AUTS2: variants seen among roughly 807,000 people sequenced by gnomAD.
AUTS2 encodes the protein autism susceptibility gene 2 protein.
A neutral mutation model predicts 112.4 loss-of-function variants in AUTS2; 17 were observed. That is an observed-to-expected ratio of 0.15 (90% CI 0.10 to 0.23). The LOEUF is 0.23. Ranked by LOEUF, AUTS2 falls within the 10% of genes least tolerant of loss-of-function variation. The pLI, the probability that AUTS2 is intolerant of heterozygous loss-of-function variation, is 1.00. For synonymous variants in AUTS2, 751 were observed against 702.7 expected, an observed-to-expected ratio of 1.07 and a Z score of -1.09; for missense variants, 1,510 against 1,701.6, an observed-to-expected ratio of 0.89 and a Z score of 1.98.
At chr7:70,339,173 T>C (rs896380221) in intron 4 of AUTS2, among the ~76,000 whole-genome samples, 6 of 152,276 alleles carry the variant, frequency 3.9e-5, no homozygotes, top group African/African-American at 1.2e-4. Context: ...TGGCCTCATC[T>C]CTTTTTTTCT....
intron 4 of AUTS2, among the ~76,000 whole-genome samples, chr7:70,317,878 T>C (rs1222635276): frequency 6.6e-6 from 1 of 152,154 alleles, no homozygotes; most frequent in Non-Finnish European, 1.5e-5. Flanking sequence ...ATTGTATCAA[T>C]GTAGGTTTTG....
intron 4 of AUTS2, among the ~76,000 whole-genome samples, chr7:70,257,617 C>T (rs1786949927): frequency 6.6e-6 from 1 of 151,170 alleles, no homozygotes. Flanking sequence ...TGTGCCTGGC[C>T]TGAAGTTTTT....
chr7:70,041,888 C>T (rs1363884862), intron 2 of AUTS2, among the ~76,000 whole-genome samples: 1 of 151,942 alleles, frequency 6.6e-6, no homozygotes, highest in Non-Finnish European at 1.5e-5. Flanking sequence ...ATTTTGTTTT[C>T]TTATAAACTA....
intron 4 of AUTS2, among the ~76,000 whole-genome samples, chr7:70,161,844 A>G (rs1207642686): frequency 2.0e-5 from 3 of 152,068 alleles, no homozygotes; most frequent in Non-Finnish European, 4.4e-5. Context: ...GTAATTTTTT[A>G]CAAACTTTTC....
chr7:70,601,594 G>C (rs1424687016), intron 5 of AUTS2, among the ~76,000 whole-genome samples: 3 of 152,212 alleles, frequency 2.0e-5, no homozygotes, highest in Non-Finnish European at 1.5e-5. Context: ...GACACGGTGT[G>C]ACTTGCTAGG....
At chr7:70,514,359 A>G (rs1459483102) in intron 5 of AUTS2, among the ~76,000 whole-genome samples, 2 of 152,216 alleles carry the variant, frequency 1.3e-5, no homozygotes, top group African/African-American at 2.4e-5. Context: ...TATTCGGCTT[A>G]TGGTTCTACT....
chr7:70,702,009 C>G (rs888659150), intron 6 of AUTS2, among the ~76,000 whole-genome samples: 1 of 152,216 alleles, frequency 6.6e-6, no homozygotes, highest in Non-Finnish European at 1.5e-5. Context: ...TCAGTCTATT[C>G]AACATGGCTA....
At chr7:70,076,426 A>G (rs557659783) in intron 2 of AUTS2, among the ~76,000 whole-genome samples, 2 of 152,338 alleles carry the variant, frequency 1.3e-5, no homozygotes, top group South Asian at 4.1e-4. Context: ...AAAAGACGTT[A>G]TCCAAGGATG....
intron 2 of AUTS2, among the ~76,000 whole-genome samples, chr7:69,928,139 A>C (rs1030714275): frequency 6.6e-6 from 1 of 152,168 alleles, no homozygotes; most frequent in Non-Finnish European, 1.5e-5. Context: ...TCCTATCTGC[A>C]GGCAGGTAGT....
At chr7:70,227,659 A>G (rs1456917240) in intron 4 of AUTS2, among the ~76,000 whole-genome samples, 6 of 152,110 alleles carry the variant, frequency 3.9e-5, no homozygotes. Flanking sequence ...TCCGTTCAAA[A>G]TATCTTCTGA....
At chr7:69,714,609 C>G (rs1314037885) in intron 1 of AUTS2, among the ~76,000 whole-genome samples, 2 of 152,090 alleles carry the variant, frequency 1.3e-5, no homozygotes, top group Admixed American at 6.6e-5. Context: ...ATTACTGAAG[C>G]TTTATATTAA....
At position 70,733,520 on chromosome 7, in the gene AUTS2, C is replaced by T. The variant is rs1477980043; in HGVS notation, c.743-29350C>T. Among the ~76,000 whole-genome samples, 4 of 151,710 alleles carry T rather than the reference C, an allele frequency of 2.6e-5. 1 individual carries two copies. The highest frequency in any genetic ancestry group is 5.9e-5 in the Non-Finnish European group (4 of 67,944). On this transcript the variant is annotated intron_variant, in intron 6 of 18. Coordinates refer to ENST00000342771, the MANE Select transcript of AUTS2 (RefSeq NM_015570.4). ...GCTTTATTCCCACCTCTTCCACTCCCACCTGTACTCTCACCACCCCCCTAC... is the reference window on the plus strand; with the variant it reads ...GCTTTATTCCCACCTCTTCCACTCCTACCTGTACTCTCACCACCCCCCTAC...
intron 5 of AUTS2, among the ~76,000 whole-genome samples, chr7:70,591,553 A>C (rs529578668): frequency 6.6e-6 from 1 of 152,194 alleles, no homozygotes; most frequent in South Asian, 2.1e-4. Context: ...ACTGGCCATC[A>C]CGCCTGACTA....
intron 5 of AUTS2, among the ~76,000 whole-genome samples, chr7:70,442,235 A>C (rs1246777884): frequency 6.6e-6 from 1 of 152,098 alleles, no homozygotes; most frequent in Non-Finnish European, 1.5e-5. Context: ...CAAAATTTGC[A>C]TTTTCTTTCC....
intron 1 of AUTS2, among the ~76,000 whole-genome samples, chr7:69,833,248 T>A (rs1255590342): frequency 6.6e-6 from 1 of 152,124 alleles, no homozygotes; most frequent in Non-Finnish European, 1.5e-5. Context: ...TTGTATCTGG[T>A]CCTCTGCCTC....
intron 1 of AUTS2, among the ~76,000 whole-genome samples, chr7:69,758,760 C>T (rs1297486692): frequency 6.6e-6 from 1 of 152,134 alleles, no homozygotes; most frequent in African/African-American, 2.4e-5. Context: ...CCCCCTTAAA[C>T]CCTCTTCTGA....
chr7:70,666,160 G>A (rs1807338628), intron 5 of AUTS2, among the ~76,000 whole-genome samples: 1 of 152,196 alleles, frequency 6.6e-6, no homozygotes. Context: ...GGCTGTGTGA[G>A]CTAAGGCAAG....
chr7:70,277,958 A>ATGTG (rs35350185), intron 4 of AUTS2, among the ~76,000 whole-genome samples: 34 of 92,272 alleles, frequency 3.7e-4, no homozygotes, highest in South Asian at 1.6e-3. Flanking sequence ...GTATGTATGT[A>ATGTG]TGTGTGTGTG....
chr7:69,811,207 A>G (rs1350180200), intron 1 of AUTS2, among the ~76,000 whole-genome samples: 1 of 152,122 alleles, frequency 6.6e-6, no homozygotes, highest in Non-Finnish European at 1.5e-5. Context: ...TGGTGGACAC[A>G]TGGAATCAGG....
Sources: gnomAD v4.1 joint callset for allele counts (sites outside exome capture counted in the v4.1 genomes callset) on GRCh38, gnomAD v4.1.1 for gene constraint, MANE v1.5 for transcripts, NCBI Gene and HGNC (gene_info 2026-07-23, HGNC 2026-07-21) for gene names.